Variants in DNAH10 observed in about 807,000 individuals in gnomAD.
The protein encoded by DNAH10 is dynein axonemal heavy chain 10, also known as axonemal beta dynein heavy chain 10.
A neutral mutation model predicts 506.6 loss-of-function variants in DNAH10; 348 were observed. The observed-to-expected ratio is 0.69, with a 90% CI of 0.63 to 0.75. The LOEUF is 0.75. DNAH10 is among the 30% of genes least tolerant of loss of function. The pLI, the probability that DNAH10 is intolerant of heterozygous loss-of-function variation, is 0.00. For synonymous variants in DNAH10, 2,059 were observed against 2,198.6 expected (o/e 0.94, Z 1.78); for missense variants, 5,179 against 5,787.1 (o/e 0.89, Z 3.41).
chr12:123,924,917 G>T (rs1470744194), intron 67 of DNAH10, 133 bp from the exon 68 acceptor site: 28 of 1,170,008 alleles, frequency 2.4e-5, no homozygotes, highest in African/African-American at 3.1e-5. Flanking sequence ...TGACAGATCT[G>T]ACCAGGTGGC....
intron 13 of DNAH10, among the ~76,000 whole-genome samples, chr12:123,797,498 T>A (rs1958324834): frequency 6.6e-6 from 1 of 152,056 alleles, no homozygotes; most frequent in African/African-American, 2.4e-5. Flanking sequence ...GTTTAAGCGA[T>A]CCTCCTGCCT....
rs1046557741 is a variant in DNAH10 at position 123,914,748 on chromosome 12, C to T, written c.10575-104C>T. ...CTGGCCTCTGAGGAGGCTTGTGTGGCCTGGGGATGGGTAGATTGTTCTGGA... is the reference window on the plus strand; with the variant it reads ...CTGGCCTCTGAGGAGGCTTGTGTGGTCTGGGGATGGGTAGATTGTTCTGGA... On this transcript the variant is annotated intron_variant, in intron 61 of 78. Transcript: ENST00000673944. The T allele has an allele frequency of 2.7e-6, 4 of 1,481,040 alleles. No individual in the cohort carries two copies. In the African/African-American group the frequency reaches 4.2e-5, roughly 16 times the overall value. The allele number at this position is 1,481,040 out of a possible 1,614,324, so 91.7% of individuals were successfully genotyped here. A position where few individuals can be genotyped will look rare whatever the true frequency, so the allele number is the denominator to read the frequency against.
In DNAH10 at chr12:123,902,587, C is replaced by T. The variant is rs1022352475; in HGVS notation, c.9641-352C>T. Among the ~76,000 whole-genome samples, 11 of 152,092 alleles carry T rather than the reference C, an allele frequency of 7.2e-5. No individual in the cohort carries two copies. Among genetic ancestry groups the T allele is most frequent in the African/African-American group, 1.9e-4 (8 of 41,400 alleles). ...GCGATGAGAGGCAGAAGGAGGAGAT[C>T]GCAGGGAGCCGGTAAGCAGGAGGGG... On this transcript the variant is annotated intron_variant, in intron 56 of 78. Transcript: ENST00000673944. This position sits in a 1 kb window ranked among gnomAD's most constrained non-coding sequence, Gnocchi z 4.5.
rs183971237 is a variant in DNAH10, at chr12:123,805,187, G to T, written c.2987+147G>T. The stretch of plus-strand genomic sequence containing the variant: ...TCTGGCAGAAGGGCACTCACAGAAT[G>T]GGGGGATGACCTTCATGATCTTGTT... On this transcript the variant is annotated intron_variant, in intron 18 of 78. Coordinates refer to ENST00000673944, the MANE Select transcript of DNAH10 (RefSeq NM_001372106.1). The T allele has an allele frequency of 3.0e-4, 242 of 794,304 alleles. 1 individual carries two copies. In the East Asian group the frequency reaches 5.3e-3, roughly 18 times the overall value. 49.2% of individuals were successfully genotyped at this position (794,304 alleles called of 1,614,324 possible).
At chr12:123,867,860 G>T in intron 42 of DNAH10, 43 bp from the exon 43 acceptor site, 2 of 1,573,530 alleles carry the variant, frequency 1.3e-6, no homozygotes, top group East Asian at 2.3e-5. Flanking sequence ...ACTCTGTGGG[G>T]GTGGACTATG....
chr12:123,901,639 A>G (rs1468883107), intron 56 of DNAH10, among the ~76,000 whole-genome samples: 2 of 152,166 alleles, frequency 1.3e-5, no homozygotes, highest in African/African-American at 4.8e-5. Context: ...AAAACAACAG[A>G]CATTTATTTT....
rs1953614042 is a variant in DNAH10, at chr12:123,903,254, T to C, written c.9815+141T>C. ...GCCTGGCTCTCTCCATGGTGGAGAC[T>C]GTTGTTGCCCTCATTTTCGGATGGG... On this transcript the variant is annotated intron_variant, in intron 57 of 78. Transcript: ENST00000673944. This position sits in a 1 kb window ranked among gnomAD's most constrained non-coding sequence, Gnocchi z 4.6. 8 of 1,187,410 alleles carry C rather than the reference T, an allele frequency of 6.7e-6. No homozygotes were observed. The highest frequency in any genetic ancestry group is 9.1e-6 in the Non-Finnish European group (8 of 878,976). 73.6% of individuals were successfully genotyped at this position (1,187,410 alleles called of 1,614,324 possible).
At chr12:123,842,588 G>T (rs1265702764) in intron 30 of DNAH10, among the ~76,000 whole-genome samples, 5 of 152,176 alleles carry the variant, frequency 3.3e-5, no homozygotes, top group Non-Finnish European at 7.3e-5. Context: ...AAAATTATTA[G>T]CGAATAGCAT....
intron 43 of DNAH10, among the ~76,000 whole-genome samples, chr12:123,868,860 T>G (rs1057156113): frequency 6.6e-6 from 1 of 152,244 alleles, no homozygotes; most frequent in Non-Finnish European, 1.5e-5. Flanking sequence ...CCTGCTTTAT[T>G]CGGTGGGAGT....
At chr12:123,817,949 C>CT (rs369200478) in intron 21 of DNAH10, among the ~76,000 whole-genome samples, 7,782 of 138,260 alleles carry the variant, frequency 0.056, 213 homozygotes, top group Middle Eastern at 0.072. Context: ...TTCTTTTTCT[C>CT]TTTTTTTTTT....
In DNAH10 at chr12:123,835,483, G is replaced by C; in HGVS notation, c.4857G>C (p.Pro1619=). The C allele has an allele frequency of 6.2e-7, 1 of 1,607,952 alleles. No homozygotes were observed. The highest frequency in any genetic ancestry group is 8.5e-7 in the Non-Finnish European group (1 of 1,176,932). Residue 1619 remains proline, a synonymous_variant, in exon 28 of 79, where the codon CCG becomes CCC. Coordinates refer to ENST00000673944, the MANE Select transcript of DNAH10 (RefSeq NM_001372106.1). ...GTGGAGATATAAGATCACAACTTCC[G>C]GAAGAGGCAAAAAAGTTTGACAACA... ...FIGGDIRSQL[P]EEAKKFDNID...
intron 59 of DNAH10, among the ~76,000 whole-genome samples, chr12:123,912,734 C>T (rs770267158): frequency 6.6e-5 from 10 of 152,136 alleles, no homozygotes; most frequent in Non-Finnish European, 1.5e-4. Flanking sequence ...TGTGACCTTG[C>T]GCTATAGCTC....
intron 1 of DNAH10, among the ~76,000 whole-genome samples, chr12:123,766,916 T>C (rs150972482): frequency 0.15 from 21,931 of 150,302 alleles, 3,079 homozygotes; most frequent in African/African-American, 0.37. Context: ...TTCTTTTTTT[T>C]TTTTTTTGAG....
At chr12:123,798,761 T>C (rs1958371744) in intron 13 of DNAH10, among the ~76,000 whole-genome samples, 2 of 148,384 alleles carry the variant, frequency 1.3e-5, no homozygotes, top group African/African-American at 4.9e-5. Flanking sequence ...ATATTTATAA[T>C]GTATGTATAC....
In DNAH10 at chr12:123,926,499, G is replaced by A; in HGVS notation, c.11922-138G>A. The A allele has an allele frequency of 4.5e-6, 4 of 894,122 alleles. No homozygotes were observed. The highest frequency in any genetic ancestry group is 4.9e-6 in the Non-Finnish European group (3 of 606,832). 55.4% of individuals were successfully genotyped at this position (894,122 alleles called of 1,614,324 possible). A position where few individuals can be genotyped will look rare whatever the true frequency, so the allele number is the denominator to read the frequency against. On this transcript the variant is annotated intron_variant, in intron 68 of 78. Coordinates refer to ENST00000673944, the MANE Select transcript of DNAH10 (RefSeq NM_001372106.1). This position sits in a 1 kb window ranked among gnomAD's most constrained non-coding sequence, Gnocchi z 4.1. ...CATAGAAACTAGAATCTAAAACAGG[G>A]AAGACTGCAACGAGCTATCCCAGAG...
At chr12:123,768,378 G>A (rs1389245530) in intron 2 of DNAH10, among the ~76,000 whole-genome samples, 5 of 151,750 alleles carry the variant, frequency 3.3e-5, no homozygotes, top group African/African-American at 7.3e-5. Flanking sequence ...CAGGTGATCC[G>A]CCCTCCTCGG....
At chr12:123,798,686 T>TTATATTATATTATTTAATATTA (rs1476554043) in intron 13 of DNAH10, among the ~76,000 whole-genome samples, 1 of 148,558 alleles carries the variant, frequency 6.7e-6, no homozygotes, top group Non-Finnish European at 1.5e-5. Context: ...TAATACTATT[T>TTATATTATATTATTTAATATTA]TATATTATAT....
rs930389924 is a variant in DNAH10, at chr12:123,913,370, A to G, written c.10352+55A>G. On this transcript the variant is annotated intron_variant, in intron 60 of 78. Coordinates refer to ENST00000673944, the MANE Select transcript of DNAH10 (RefSeq NM_001372106.1). This position sits in a 1 kb window ranked among gnomAD's most constrained non-coding sequence, Gnocchi z 5.1. The stretch of plus-strand genomic sequence containing the variant: ...CGGTTTGTAAACGGACGTCACCCAC[A>G]GAGTTTCTCGCCATGTTGATTCTTT... The G allele has an allele frequency of 9.4e-6, 14 of 1,491,464 alleles. No homozygotes were observed. The highest frequency in any genetic ancestry group is 1.3e-5 in the Non-Finnish European group (14 of 1,113,036). 92.4% of individuals were successfully genotyped at this position (1,491,464 alleles called of 1,614,324 possible).
rs768783271 is a variant in DNAH10 at position 123,789,963 on chromosome 12, C to T, written c.1657C>T (p.Leu553=). Residue 553 remains leucine (L), a synonymous_variant, in exon 11 of 79, where the codon CTA becomes TTA. Transcript: ENST00000673944. ...ATTTTATAACATATTTGGTCCAGAACTAAAGGCAGTGACGGGGGACCCCAA... is the reference window on the plus strand; with the variant it reads ...ATTTTATAACATATTTGGTCCAGAATTAAAGGCAGTGACGGGGGACCCCAA... The part of the protein sequence containing the change: ...EEFYNIFGPE[L]KAVTGDPKRI... 6.2e-7 allele frequency: 1 copy of T among 1,614,072 alleles called. No individual in the cohort carries two copies. The highest frequency in any genetic ancestry group is 2.2e-5 in the East Asian group (1 of 44,886).
Sources: gnomAD v4.1 joint callset for allele counts (sites outside exome capture counted in the v4.1 genomes callset) on GRCh38, gnomAD v4.1.1 for gene constraint, Gnocchi (gnomAD v3.1) non-coding constraint, MANE v1.5 for transcripts, NCBI Gene and HGNC (gene_info 2026-07-23, HGNC 2026-07-21) for gene names.